ROBO1: variants seen among roughly 807,000 people sequenced by gnomAD.
ROBO1 encodes the protein roundabout homolog 1.
In ROBO1, 149 loss-of-function variants were observed where a neutral mutation model predicts 195.9. That is an observed-to-expected ratio of 0.76 (90% CI 0.67 to 0.87). The LOEUF is 0.87. ROBO1 is among the 40% of genes least tolerant of loss of function. ROBO1 has a pLI of 0.00. For missense variants in ROBO1, 1,933 were observed against 2,068.3 expected, an observed-to-expected ratio of 0.93 and a Z score of 1.27; for synonymous variants, 816 against 733.2, an observed-to-expected ratio of 1.11 and a Z score of -1.82.
At chr3:79,664,117 T>C (rs192773793) in intron 1 of ROBO1, among the ~76,000 whole-genome samples, 18 of 152,206 alleles carry the variant, frequency 1.2e-4, no homozygotes, top group Admixed American at 1.2e-3. Context: ...AAGTTTGTTA[T>C]AGGTGCATCT....
intron 2 of ROBO1, among the ~76,000 whole-genome samples, chr3:79,279,033 G>A (rs562967824): frequency 5.0e-4 from 76 of 151,996 alleles, no homozygotes; most frequent in Non-Finnish European, 8.4e-4. Flanking sequence ...CCAGCACTTT[G>A]GGAGGCCAAG....
At chr3:78,803,926 G>C (rs1382385189) in intron 4 of ROBO1, among the ~76,000 whole-genome samples, 3 of 152,142 alleles carry the variant, frequency 2.0e-5, no homozygotes, top group East Asian at 3.8e-4. Flanking sequence ...ATTGTACAAA[G>C]TGACACTGTG....
intron 1 of ROBO1, among the ~76,000 whole-genome samples, chr3:79,603,287 G>T (rs2107876806): frequency 6.6e-6 from 1 of 152,008 alleles, no homozygotes; most frequent in Non-Finnish European, 1.5e-5. Context: ...CTGAATAACA[G>T]GTTTCATTAC....
chr3:78,601,409 C>T (rs1703163735), intron 29 of ROBO1, among the ~76,000 whole-genome samples: 1 of 152,138 alleles, frequency 6.6e-6, no homozygotes, highest in Admixed American at 6.6e-5. Flanking sequence ...CCATTCTACT[C>T]ATCACAACTT....
chr3:79,151,136 C>T (rs1191277593), intron 2 of ROBO1, among the ~76,000 whole-genome samples: 2 of 151,844 alleles, frequency 1.3e-5, no homozygotes, highest in Non-Finnish European at 2.9e-5. Flanking sequence ...CATGATTTTG[C>T]TCCTCCTTGC....
At chr3:79,706,970 T>C (rs1321159134) in intron 1 of ROBO1, among the ~76,000 whole-genome samples, 1 of 152,114 alleles carries the variant, frequency 6.6e-6, no homozygotes, top group Non-Finnish European at 1.5e-5. Context: ...AGGTTTTTTT[T>C]CTTGTGCTAT....
intron 1 of ROBO1, among the ~76,000 whole-genome samples, chr3:79,624,463 T>C (rs1945105477): frequency 6.6e-6 from 1 of 151,464 alleles, no homozygotes; most frequent in Admixed American, 6.6e-5. Context: ...ACAACTCACA[T>C]GAAAAGACAC....
At chr3:79,563,939 T>A (rs1317133902) in intron 2 of ROBO1, among the ~76,000 whole-genome samples, 1 of 152,090 alleles carries the variant, frequency 6.6e-6, no homozygotes, top group East Asian at 1.9e-4. Flanking sequence ...AGATTTAACT[T>A]ATGTAAATTG....
At chr3:78,999,118 G>A (rs201895489) in intron 3 of ROBO1, among the ~76,000 whole-genome samples, 7 of 151,956 alleles carry the variant, frequency 4.6e-5, no homozygotes, top group Non-Finnish European at 7.4e-5. Context: ...CACTGTTGGT[G>A]GGAATGTAAA....
intron 4 of ROBO1, among the ~76,000 whole-genome samples, chr3:78,760,894 A>G (rs1403002373): frequency 1.3e-5 from 2 of 152,088 alleles, no homozygotes; most frequent in Non-Finnish European, 2.9e-5. Context: ...CTCCTGCCTC[A>G]GCCTCCCATA....
intron 5 of ROBO1, among the ~76,000 whole-genome samples, chr3:78,739,553 A>C (rs965749484): frequency 6.6e-6 from 1 of 152,252 alleles, no homozygotes; most frequent in Admixed American, 6.5e-5. Flanking sequence ...GATGACAGTT[A>C]ATTGTTTTCT....
chr3:79,539,769 A>G (rs1352142926), intron 2 of ROBO1, among the ~76,000 whole-genome samples: 1 of 152,112 alleles, frequency 6.6e-6, no homozygotes, highest in African/African-American at 2.4e-5. Context: ...TTCATGCTTA[A>G]GAAGAAGATA....
chr3:79,669,307 T>TC (rs1946564389), intron 1 of ROBO1, among the ~76,000 whole-genome samples: 1 of 151,786 alleles, frequency 6.6e-6, no homozygotes, highest in Non-Finnish European at 1.5e-5. Flanking sequence ...TTGTGAGGGC[T>TC]CCCCAGCCAT....
intron 4 of ROBO1, among the ~76,000 whole-genome samples, chr3:78,770,847 T>C (rs186309597): frequency 1.4e-4 from 21 of 152,284 alleles, no homozygotes; most frequent in Admixed American, 5.2e-4. Flanking sequence ...GGAGGATCAC[T>C]TGAGCCCAGT....
chr3:78,647,454 A>G (rs1002945975), intron 20 of ROBO1, among the ~76,000 whole-genome samples, 175 bp downstream of exon 20: 3 of 152,060 alleles, frequency 2.0e-5, no homozygotes, highest in African/African-American at 7.2e-5. Context: ...ATGAAAAGCA[A>G]CACCAACCAT....
intron 2 of ROBO1, among the ~76,000 whole-genome samples, chr3:79,426,559 G>A (rs1362575058): frequency 6.6e-6 from 1 of 152,008 alleles, no homozygotes; most frequent in Non-Finnish European, 1.5e-5. Context: ...TGTAGGGATG[G>A]GTTTCACCAT....
chr3:79,591,625 C>A (rs1284049018), intron 1 of ROBO1, among the ~76,000 whole-genome samples: 2 of 151,794 alleles, frequency 1.3e-5, no homozygotes, highest in African/African-American at 4.8e-5. Context: ...CATTATAAAC[C>A]TAGATTAATA....
At chr3:79,197,501 G>A (rs973603170) in intron 2 of ROBO1, among the ~76,000 whole-genome samples, 4 of 152,070 alleles carry the variant, frequency 2.6e-5, no homozygotes, top group Non-Finnish European at 5.9e-5. Context: ...ATAAACATAC[G>A]TGTGCATGTG....
chr3:79,485,981 A>T (rs2107416239), intron 2 of ROBO1, among the ~76,000 whole-genome samples: 1 of 152,306 alleles, frequency 6.6e-6, no homozygotes, highest in African/African-American at 2.4e-5. Context: ...CCACATTCAC[A>T]GCCTTATGTA....
Sources: gnomAD v4.1 joint callset for allele counts (sites outside exome capture counted in the v4.1 genomes callset) on GRCh38, gnomAD v4.1.1 for gene constraint, MANE v1.5 for transcripts, NCBI Gene and HGNC (gene_info 2026-07-23, HGNC 2026-07-21) for gene names.